The following PTPA variants were observed in gnomAD, a reference collection of about 807,000 sequenced individuals.
The protein encoded by PTPA is serine/threonine-protein phosphatase 2A activator.
A neutral mutation model predicts 43.6 loss-of-function variants in PTPA; 13 were observed. That is an observed-to-expected ratio of 0.30 (90% CI 0.19 to 0.47). The LOEUF (loss-of-function observed/expected upper bound fraction) is 0.47. PTPA is among the 20% of genes least tolerant of loss of function. The pLI is 0.99. For missense variants in PTPA, 329 were observed against 411.9 expected (o/e 0.80, Z 1.74); for synonymous variants, 172 against 158.2 (o/e 1.09, Z -0.66).
At chr9:129,137,087 C>G (rs2131603210) in intron 7 of PTPA, among the ~76,000 whole-genome samples, 1 of 152,328 alleles carries the variant, frequency 6.6e-6, no homozygotes, top group East Asian at 1.9e-4. Context: ...GACTCCCCAA[C>G]TCTTGAAGCT....
intron 9 of PTPA, chr9:129,143,799 C>A: frequency 3.2e-5 from 7 of 218,776 alleles, no homozygotes; most frequent in South Asian, 1.4e-4. Flanking sequence ...CCACCCCCGG[C>A]TCTCCACTCC....
intron 9 of PTPA, 89 bp from the exon 10 acceptor site, chr9:129,147,298 G>GGACA: frequency 7.5e-7 from 1 of 1,340,576 alleles, no homozygotes; most frequent in Non-Finnish European, 1.1e-6. Context: ...GGCCCGGGAT[G>GGACA]GACACCTGGG....
intron 1 of PTPA, among the ~76,000 whole-genome samples, chr9:129,118,530 C>T (rs937360226): frequency 6.6e-6 from 1 of 152,162 alleles, no homozygotes; most frequent in Non-Finnish European, 1.5e-5. Flanking sequence ...TGCGCCACCA[C>T]ACCTGAATAA....
chr9:129,111,039 GTGTGCACCTT>G, upstream of PTPA: 1 of 1,369,432 alleles, frequency 7.3e-7, no homozygotes, highest in Non-Finnish European at 9.8e-7. Context: ...GGAGGTAGTG[GTGTGCACCTT>G]TCCAACTCCG....
At chr9:129,119,610 A>C (rs912213933) in intron 1 of PTPA, 1 of 150,214 alleles carries the variant, frequency 6.7e-6, no homozygotes, top group Non-Finnish European at 1.5e-5. Context: ...GGATTTCACC[A>C]TGTTAGCCAG....
At chr9:129,139,071 T>A (rs536521280) in intron 8 of PTPA, among the ~76,000 whole-genome samples, 3 of 152,282 alleles carry the variant, frequency 2.0e-5, no homozygotes, top group East Asian at 3.9e-4. Flanking sequence ...GATGCCACAC[T>A]GAGTTCTTGG....
chr9:129,147,261 G>A (rs1250798401), intron 9 of PTPA, 126 bp from the exon 10 acceptor site: 2 of 851,658 alleles, frequency 2.3e-6, no homozygotes, highest in Middle Eastern at 3.1e-4. Flanking sequence ...GAAGGCCTGG[G>A]GGATCCCCTG....
Position 129,137,608 on chromosome 9 carries a change from G to T in PTPA, c.702G>T (p.Glu234Asp), listed in dbSNP as rs370634207. ...SSQLIDHPYL[E>D]PRHFVDEKAV... ...TTTTCCCAGACCACCCATACCTGGA[G>T]CCCAGACACTTTGTGGATGAGAAGG... is the stretch of plus-strand genomic sequence containing the variant. Residue 234 changes from glutamate (E) to aspartate (D), a missense_variant, in exon 8 of 10, where the codon GAG becomes GAT. Transcript: ENST00000393370. 9.9e-6 allele frequency: 16 copies of T among 1,612,284 alleles called. No individual in the cohort carries two copies. The highest frequency in any genetic ancestry group is 1.3e-5 in the African/African-American group (1 of 74,912).
At chr9:129,123,022 C>G in intron 2 of PTPA, 30 bp from the exon 3 acceptor site, 2 of 1,559,740 alleles carry the variant, frequency 1.3e-6, no homozygotes, top group Non-Finnish European at 1.8e-6. Context: ...CACCCCTCTC[C>G]CCATCCCCAT....
intron 3 of PTPA, 76 bp downstream of exon 3, chr9:129,123,214 CTG>C: frequency 3.8e-6 from 5 of 1,305,184 alleles, no homozygotes; most frequent in Non-Finnish European, 5.5e-6. Context: ...TGGCTCACCT[CTG>C]TAATCTCAGC....
At position 129,120,573 on chromosome 9, in the gene PTPA, A is replaced by G; in HGVS notation, c.92A>G (p.His31Arg). 1.2e-6 allele frequency: 2 copies of G among 1,613,724 alleles called. No homozygotes were observed. The highest frequency in any genetic ancestry group is 1.7e-4 in the Middle Eastern group (1 of 6,056). ...TTCATCATTCCAAAAAAGGAGATCC[A>G]CACAGTTCCAGACATGGGCAAATGG... The part of the protein sequence containing the change: ...QNFIIPKKEI[H>R]TVPDMGKWKR... Residue 31 changes from histidine (H) to arginine (R), a missense_variant, in exon 2 of 10, where the codon CAC (histidine) becomes CGC (arginine). By Grantham distance (29) the His-to-Arg change is conservative (BLOSUM62 0). Transcript: ENST00000393370.
At chr9:129,127,881 GAATTA>G (rs1437809546) in intron 3 of PTPA, 23 of 925,652 alleles carry the variant, frequency 2.5e-5, no homozygotes, top group Non-Finnish European at 3.2e-5. Flanking sequence ...TAACAGTGAG[GAATTA>G]AATTAATTAT....
intron 8 of PTPA, chr9:129,139,585 G>T (rs1429464290): frequency 6.6e-6 from 1 of 152,216 alleles, no homozygotes; most frequent in African/African-American, 2.4e-5. Flanking sequence ...CGTTGTGTTG[G>T]TTCTCCAGAG....
At chr9:129,135,929 C>G (rs1425497042) in intron 6 of PTPA, among the ~76,000 whole-genome samples, 4 of 152,042 alleles carry the variant, frequency 2.6e-5, no homozygotes, top group Admixed American at 1.3e-4. Context: ...GTTGATGGCA[C>G]CAAAACCCAC....
chr9:129,136,384 G>C, intron 6 of PTPA, 87 bp from the exon 7 acceptor site: 1 of 1,399,788 alleles, frequency 7.1e-7, no homozygotes, highest in Non-Finnish European at 9.7e-7. Flanking sequence ...TGGTTATTTT[G>C]GGGTCTCCTT....
intron 2 of PTPA, 69 bp from the exon 3 acceptor site, chr9:129,122,983 C>A: frequency 8.0e-7 from 1 of 1,252,422 alleles, no homozygotes. Flanking sequence ...CCTGGTGGAG[C>A]TCGGGGCAGG....
chr9:129,120,466 G>C (rs750253544), intron 1 of PTPA, 47 bp from the exon 2 acceptor site: 14 of 1,337,848 alleles, frequency 1.0e-5, no homozygotes, highest in Non-Finnish European at 1.5e-5. Context: ...TGTGTTGTAG[G>C]GGAGGATTCT....
In PTPA at chr9:129,147,416, C is replaced by T. The variant is rs1255316323; in HGVS notation, c.924C>T (p.His308=). 6.2e-7 allele frequency: 1 copy of T among 1,614,060 alleles called. No individual in the cohort carries two copies. The highest frequency in any genetic ancestry group is 8.5e-7 in the Non-Finnish European group (1 of 1,179,996). The change falls in exon 10 of 10, where the codon CAC becomes CAT. Residue 308 remains histidine, a synonymous_variant. Coordinates refer to ENST00000393370, the MANE Select transcript of PTPA (RefSeq NM_178000.3). ...TGGAGAAGTTCCCTGTGATCCAGCA[C>T]TTCAAGTTCGGGAGCCTGCTGCCCA... The part of the protein sequence containing the change: ...ECLEKFPVIQ[H]FKFGSLLPIH...
At chr9:129,131,446 G>A in intron 4 of PTPA, 76 bp from the exon 5 acceptor site, 1 of 1,336,390 alleles carries the variant, frequency 7.5e-7, no homozygotes, top group Non-Finnish European at 1.1e-6. Context: ...CCCCAGTCAG[G>A]TGCTGCCCCT....
Sources: gnomAD v4.1 joint callset for allele counts (sites outside exome capture counted in the v4.1 genomes callset) on GRCh38, gnomAD v4.1.1 for gene constraint, MANE v1.5 for transcripts, NCBI Gene and HGNC (gene_info 2026-07-23, HGNC 2026-07-21) for gene names.